DGLUCY: variants seen among roughly 807,000 people sequenced by gnomAD.
The protein encoded by DGLUCY is D-glutamate cyclase.
DGLUCY carries 58 observed loss-of-function variants against 58.5 expected under a neutral mutation model. The observed-to-expected ratio is 0.99, with a 90% confidence interval of 0.80 to 1.23. The LOEUF (loss-of-function observed/expected upper bound fraction) is 1.23, where lower values mean the gene tolerates loss of function less well. DGLUCY is among the 50% of genes most tolerant of loss of function. The pLI, the probability that DGLUCY is intolerant of heterozygous loss-of-function variation, is 0.00. For missense variants in DGLUCY, 779 were observed against 784.7 expected (o/e 0.99, Z 0.09); for synonymous variants, 325 against 314.1 (o/e 1.03, Z -0.37).
rs1231820111 is a variant in DGLUCY at position 91,108,513 on chromosome 14, G to T, written c.-82+452G>T. Among the ~76,000 whole-genome samples, 3 of 97,408 alleles carry T rather than the reference G, an allele frequency of 3.1e-5. No individual in the cohort carries two copies. In the South Asian group the frequency reaches 1.3e-3, roughly 41 times the overall value. 63.9% of individuals were successfully genotyped at this position (97,408 alleles called of 152,430 possible). A position where few individuals can be genotyped will look rare whatever the true frequency, so the allele number is the denominator to read the frequency against. ...TGTGTGTGTGTGTGTGTGTGTGTGT[G>T]TGTGTGTGTGTGTGAGAGAGAGAGA... On this transcript the variant is annotated intron_variant, in intron 1 of 4. Transcript: ENST00000518871.
intron 1 of DGLUCY, among the ~76,000 whole-genome samples, chr14:91,063,006 T>C (rs1042992911): frequency 5.3e-5 from 8 of 152,148 alleles, no homozygotes; most frequent in African/African-American, 1.9e-4. Flanking sequence ...GCAACAGATA[T>C]AAATATTAAT....
intron 3 of DGLUCY, 151 bp from the exon 4 acceptor site, chr14:91,167,074 G>A: frequency 1.0e-6 from 1 of 973,808 alleles, no homozygotes; most frequent in East Asian, 2.7e-5. Context: ...AGGAGGCGGA[G>A]GTTGCAGTGA....
intron 12 of DGLUCY, among the ~76,000 whole-genome samples, chr14:91,213,449 T>C (rs925220344): frequency 6.6e-6 from 1 of 151,892 alleles, no homozygotes. Context: ...AAAAAAATAA[T>C]AATTATTGAT....
At chr14:91,210,422 C>G (rs1238157297) in intron 12 of DGLUCY, among the ~76,000 whole-genome samples, 1 of 150,894 alleles carries the variant, frequency 6.6e-6, no homozygotes, top group African/African-American at 2.4e-5. Flanking sequence ...GACCTAGCCT[C>G]TCAGGAGGCT....
At chr14:91,188,414 G>T (rs1168093832) in intron 8 of DGLUCY, among the ~76,000 whole-genome samples, 1 of 152,192 alleles carries the variant, frequency 6.6e-6, no homozygotes. Context: ...GGGGTCAGGG[G>T]GCGGGGGTAG....
intron 8 of DGLUCY, among the ~76,000 whole-genome samples, chr14:91,185,302 A>ATTTTTTTT (rs2049444754): frequency 3.1e-5 from 1 of 32,482 alleles, no homozygotes; most frequent in Non-Finnish European, 5.4e-5. Context: ...TTTTTTTTTG[A>ATTTTTTTT]GACAGGTTCT....
intron 1 of DGLUCY, among the ~76,000 whole-genome samples, chr14:91,061,554 C>T (rs1265248896): frequency 1.3e-5 from 2 of 152,262 alleles, no homozygotes; most frequent in Non-Finnish European, 2.9e-5. Flanking sequence ...TAATTATTCC[C>T]AGACGAGGAA....
Position 91,206,852 on chromosome 14 carries a change from T to G in DGLUCY, c.1564+2027T>G, listed in dbSNP as rs149875009. The stretch of plus-strand genomic sequence containing the variant: ...CCTGGAATTCTTTTAAAAGTATGAT[T>G]AATATAATAAAGTCTTCACTGCAAA... On this transcript the variant is annotated intron_variant, in intron 12 of 13. Coordinates refer to ENST00000256324, the MANE Select transcript of DGLUCY (RefSeq NM_001102368.3). Among the ~76,000 whole-genome samples the G allele has an allele frequency of 4.0e-3, 609 of 152,148 alleles. 4 individuals carry two copies. Among genetic ancestry groups the G allele is most frequent in the African/African-American group, 0.014 (574 of 41,490 alleles).
chr14:91,186,979 G>A (rs576940672), intron 8 of DGLUCY, among the ~76,000 whole-genome samples: 1 of 144,044 alleles, frequency 6.9e-6, no homozygotes, highest in African/African-American at 2.6e-5. Flanking sequence ...CTCCATAACA[G>A]AAATCCAAAC....
intron 5 of DGLUCY, 26 bp downstream of exon 5, chr14:91,170,227 A>C (rs374308715): frequency 3.5e-5 from 56 of 1,603,128 alleles, no homozygotes; most frequent in Non-Finnish European, 4.8e-5. Flanking sequence ...ACAGCCCACA[A>C]GGGCAGAATG....
At chr14:91,196,976 T>A (rs1740132041) in intron 10 of DGLUCY, among the ~76,000 whole-genome samples, 1 of 152,110 alleles carries the variant, frequency 6.6e-6, no homozygotes, top group African/African-American at 2.4e-5. Context: ...TTTTTTCTTT[T>A]AGGGGGTGGG....
At chr14:91,122,602 G>T (rs377213749) in intron 1 of DGLUCY, among the ~76,000 whole-genome samples, 89 of 104,738 alleles carry the variant, frequency 8.5e-4, no homozygotes, top group South Asian at 2.5e-3. Context: ...AAAGAAAAAA[G>T]TTTTTTTTTT....
At chr14:91,100,621 C>G (rs2044468864) in intron 1 of DGLUCY, among the ~76,000 whole-genome samples, 1 of 152,208 alleles carries the variant, frequency 6.6e-6, no homozygotes, top group African/African-American at 2.4e-5. Context: ...TCCAACCTGA[C>G]AGCATCCCAT....
chr14:91,213,780 A>G (rs936144858), intron 12 of DGLUCY, among the ~76,000 whole-genome samples: 1 of 151,640 alleles, frequency 6.6e-6, no homozygotes, highest in Non-Finnish European at 1.5e-5. Context: ...GCTCACTGCA[A>G]CCTCCACCTC....
chr14:91,086,629 C>A (rs1196366597), intron 1 of DGLUCY, among the ~76,000 whole-genome samples: 1 of 152,152 alleles, frequency 6.6e-6, no homozygotes, highest in African/African-American at 2.4e-5. Context: ...TGGTTGAATC[C>A]ACAGAGGTGG....
At chr14:91,079,336 G>C (rs1260792278) in intron 1 of DGLUCY, among the ~76,000 whole-genome samples, 1 of 150,394 alleles carries the variant, frequency 6.6e-6, no homozygotes, top group Non-Finnish European at 1.5e-5. Flanking sequence ...CATAAACATT[G>C]TTTCTTTCTT....
chr14:91,079,809 G>T (rs1364564697), intron 1 of DGLUCY, among the ~76,000 whole-genome samples: 1 of 152,086 alleles, frequency 6.6e-6, no homozygotes, highest in African/African-American at 2.4e-5. Context: ...AAAAATTATG[G>T]TAAATATATA....
chr14:91,127,944 C>G (rs907313064), intron 1 of DGLUCY, among the ~76,000 whole-genome samples: 1 of 148,412 alleles, frequency 6.7e-6, no homozygotes, highest in African/African-American at 2.5e-5. Context: ...TTTAACAAGT[C>G]CTACCAATTT....
chr14:91,219,400 A>G (rs191755053), intron 13 of DGLUCY, among the ~76,000 whole-genome samples: 7 of 152,364 alleles, frequency 4.6e-5, no homozygotes, highest in African/African-American at 1.7e-4. Context: ...ATGAAGCCGT[A>G]CAGTGTGCAG....
Sources: gnomAD v4.1 joint callset for allele counts (sites outside exome capture counted in the v4.1 genomes callset) on GRCh38, gnomAD v4.1.1 for gene constraint, MANE v1.5 for transcripts, NCBI Gene and HGNC (gene_info 2026-07-23, HGNC 2026-07-21) for gene names.